ERC2: variants seen among roughly 807,000 people sequenced by gnomAD.
The protein encoded by ERC2 is ELKS/RAB6-interacting/CAST family member 2, also known as ERC protein 2.
In ERC2, 42 loss-of-function variants were observed where a neutral mutation model predicts 114.8. That is an observed-to-expected ratio of 0.37 (90% confidence interval 0.29 to 0.47). The LOEUF (loss-of-function observed/expected upper bound fraction) is 0.47, where lower values mean the gene tolerates loss of function less well. ERC2 is among the 20% of genes least tolerant of loss of function. The pLI is 0.99. For missense variants in ERC2, 939 were observed against 1,150.7 expected (o/e 0.82, Z 2.66); for synonymous variants, 454 against 425.5 (o/e 1.07, Z -0.82).
chr3:56,248,771 C>T (rs1317828010), intron 3 of ERC2, among the ~76,000 whole-genome samples: 1 of 152,180 alleles, frequency 6.6e-6, no homozygotes, highest in East Asian at 1.9e-4. Context: ...AATGGAAATT[C>T]TGAGATATTC....
intron 14 of ERC2, among the ~76,000 whole-genome samples, chr3:55,749,538 T>C (rs2066528398): frequency 6.6e-6 from 1 of 152,100 alleles, no homozygotes; most frequent in African/African-American, 2.4e-5. Context: ...AAGAGGATTG[T>C]AAAATGCACC....
chr3:56,199,744 A>C (rs575245997), intron 3 of ERC2, among the ~76,000 whole-genome samples: 146 of 152,276 alleles, frequency 9.6e-4, no homozygotes, highest in African/African-American at 3.4e-3. Context: ...CCTGGGCTCA[A>C]GTAATCCTCC....
chr3:56,291,878 T>A (rs999112038), intron 3 of ERC2, among the ~76,000 whole-genome samples: 1 of 150,984 alleles, frequency 6.6e-6, no homozygotes, highest in Non-Finnish European at 1.5e-5. Context: ...GTAGAGAATA[T>A]GGAAATAGCT....
At chr3:55,782,307 CT>C (rs1381065823) in intron 14 of ERC2, among the ~76,000 whole-genome samples, 1 of 152,182 alleles carries the variant, frequency 6.6e-6, no homozygotes, top group African/African-American at 2.4e-5. Flanking sequence ...ATTAGCTTTT[CT>C]GCTTATCCCA....
At chr3:55,761,919 T>G (rs932286104) in intron 14 of ERC2, among the ~76,000 whole-genome samples, 2 of 145,298 alleles carry the variant, frequency 1.4e-5, no homozygotes, top group Non-Finnish European at 3.0e-5. Context: ...TTTCTCTCTC[T>G]CTCTGCCCCC....
intron 14 of ERC2, among the ~76,000 whole-genome samples, chr3:55,807,070 G>T (rs1468037872): frequency 6.6e-6 from 1 of 152,204 alleles, no homozygotes; most frequent in Non-Finnish European, 1.5e-5. Context: ...ACACAAGAGA[G>T]ATCAAAGACT....
chr3:56,107,197 G>A (rs2078710847), intron 6 of ERC2, among the ~76,000 whole-genome samples: 1 of 151,756 alleles, frequency 6.6e-6, no homozygotes, highest in Admixed American at 6.6e-5. Context: ...TTGAGTCTCT[G>A]GATCCAGCTA....
chr3:56,121,867 C>G (rs911765147), intron 6 of ERC2, among the ~76,000 whole-genome samples: 1 of 152,078 alleles, frequency 6.6e-6, no homozygotes, highest in South Asian at 2.1e-4. Context: ...TCAATTCCTC[C>G]CTGCAGCAAC....
At chr3:55,829,208 T>A (rs2060466187) in intron 14 of ERC2, among the ~76,000 whole-genome samples, 1 of 152,170 alleles carries the variant, frequency 6.6e-6, no homozygotes, top group Admixed American at 6.5e-5. Context: ...GATCAACAGA[T>A]GCCAACCCCA....
At chr3:56,023,562 C>T (rs1162760340) in intron 7 of ERC2, among the ~76,000 whole-genome samples, 2 of 152,110 alleles carry the variant, frequency 1.3e-5, no homozygotes, top group Non-Finnish European at 2.9e-5. Flanking sequence ...CTTCAGGACT[C>T]CTTCTCCAAC....
chr3:55,820,565 G>A (rs958922102), intron 14 of ERC2, among the ~76,000 whole-genome samples: 5 of 152,084 alleles, frequency 3.3e-5, no homozygotes, highest in Admixed American at 2.0e-4. Flanking sequence ...GTATTCAACC[G>A]ATGCTCTTAA....
intron 16 of ERC2, among the ~76,000 whole-genome samples, chr3:55,686,192 A>T (rs2062323593): frequency 6.6e-6 from 1 of 152,242 alleles, no homozygotes; most frequent in Non-Finnish European, 1.5e-5. Flanking sequence ...TAAAAACCAG[A>T]TGTTCAGATC....
chr3:55,839,222 T>C (rs1289304924), intron 14 of ERC2, among the ~76,000 whole-genome samples: 1 of 151,800 alleles, frequency 6.6e-6, no homozygotes, highest in Non-Finnish European at 1.5e-5. Flanking sequence ...CAAACTAGGA[T>C]ACTCTTACTA....
At chr3:56,302,680 A>T (rs2055960431) in intron 2 of ERC2, among the ~76,000 whole-genome samples, 1 of 151,902 alleles carries the variant, frequency 6.6e-6, no homozygotes, top group Non-Finnish European at 1.5e-5. Flanking sequence ...AGTCACCCAA[A>T]CTCCACTGGC....
chr3:55,683,753 G>T, intron 17 of ERC2, 41 bp downstream of exon 17: 1 of 1,512,192 alleles, frequency 6.6e-7, no homozygotes, highest in Non-Finnish European at 9.1e-7. Flanking sequence ...ACACTAGAAT[G>T]CAATTTTTTA....
intron 7 of ERC2, among the ~76,000 whole-genome samples, chr3:56,060,907 C>G (rs1458904848): frequency 1.3e-5 from 2 of 152,116 alleles, no homozygotes; most frequent in Non-Finnish European, 2.9e-5. Context: ...TATTGAATTC[C>G]TTTCTTTAAT....
At chr3:56,441,449 A>G (rs1472264703) in intron 1 of ERC2, among the ~76,000 whole-genome samples, 1 of 152,240 alleles carries the variant, frequency 6.6e-6, no homozygotes, top group Non-Finnish European at 1.5e-5. Flanking sequence ...TTACACAGCA[A>G]AAGAACTGAA....
chr3:55,647,657 T>G (rs1366411844), intron 17 of ERC2, among the ~76,000 whole-genome samples: 1 of 152,212 alleles, frequency 6.6e-6, no homozygotes, highest in Non-Finnish European at 1.5e-5. Context: ...AGATTATAAT[T>G]CAGATCAAGG....
chr3:56,220,500 G>A (rs2049832184), intron 3 of ERC2, among the ~76,000 whole-genome samples: 1 of 152,168 alleles, frequency 6.6e-6, no homozygotes, highest in South Asian at 2.1e-4. Flanking sequence ...GAGGGATGGA[G>A]AATCAGGCTG....
Sources: gnomAD v4.1 joint callset for allele counts (sites outside exome capture counted in the v4.1 genomes callset) on GRCh38, gnomAD v4.1.1 for gene constraint, MANE v1.5 for transcripts, NCBI Gene and HGNC (gene_info 2026-07-23, HGNC 2026-07-21) for gene names.